Variants in SPINK5 observed in about 807,000 individuals in gnomAD.
SPINK5 encodes serine peptidase inhibitor Kazal type 5, also known as serine protease inhibitor Kazal-type 5.
A neutral mutation model predicts 151.8 loss-of-function variants in SPINK5; 125 were observed. The ratio of observed to expected loss-of-function variants is 0.82; its 90% CI spans 0.71 to 0.96. SPINK5 has a LOEUF of 0.96. SPINK5 is among the 40% of genes least tolerant of loss of function. The pLI, the probability that SPINK5 is intolerant of heterozygous loss-of-function variation, is 0.00. For missense variants in SPINK5, 1,194 were observed against 1,291.9 expected (o/e 0.92, Z 1.16); for synonymous variants, 374 against 395.3 (o/e 0.95, Z 0.64).
chr5:148,095,064 G>T (rs6864920), intron 9 of SPINK5, among the ~76,000 whole-genome samples: 1 of 151,724 alleles, frequency 6.6e-6, no homozygotes, highest in Non-Finnish European at 1.5e-5. Context: ...AGTTCCTCCC[G>T]GTCTTGGCCA....
At chr5:148,115,606 G>A (rs2113174133) in intron 21 of SPINK5, among the ~76,000 whole-genome samples, 1 of 152,222 alleles carries the variant, frequency 6.6e-6, no homozygotes, top group South Asian at 2.1e-4. Context: ...ATGTCATGTG[G>A]TGACAGCTAT....
At chr5:148,099,905 C>T (rs559925978) in intron 12 of SPINK5, among the ~76,000 whole-genome samples, 1 of 152,242 alleles carries the variant, frequency 6.6e-6, no homozygotes, top group East Asian at 1.9e-4. Flanking sequence ...AGCTCATCAT[C>T]ATATACAGGA....
intron 15 of SPINK5, among the ~76,000 whole-genome samples, chr5:148,104,217 T>TA (rs1753721590): frequency 6.6e-6 from 1 of 152,126 alleles, no homozygotes; most frequent in Non-Finnish European, 1.5e-5. Context: ...AACACACACT[T>TA]AAAGATGAGG....
At chr5:148,104,304 G>T (rs1753723658) in intron 15 of SPINK5, among the ~76,000 whole-genome samples, 1 of 152,090 alleles carries the variant, frequency 6.6e-6, no homozygotes, top group African/African-American at 2.4e-5. Flanking sequence ...TAACCACCAT[G>T]CTATACTGCC....
At chr5:148,117,835 G>A (rs955896879) in intron 22 of SPINK5, among the ~76,000 whole-genome samples, 1 of 152,164 alleles carries the variant, frequency 6.6e-6, no homozygotes, top group Non-Finnish European at 1.5e-5. Context: ...AGTGTACCAA[G>A]GGGAAACTGT....
intron 2 of SPINK5, among the ~76,000 whole-genome samples, chr5:148,069,572 T>G (rs1425695219): frequency 6.6e-6 from 1 of 152,058 alleles, no homozygotes; most frequent in South Asian, 2.1e-4. Context: ...CTGATGGTAG[T>G]GATAGTAGTG....
At chr5:148,113,476 A>T (rs1489057756) in intron 20 of SPINK5, among the ~76,000 whole-genome samples, 1 of 152,086 alleles carries the variant, frequency 6.6e-6, no homozygotes, top group Non-Finnish European at 1.5e-5. Flanking sequence ...GGATTACCAC[A>T]TTTGGTCAAC....
intron 29 of SPINK5, among the ~76,000 whole-genome samples, chr5:148,126,582 T>C (rs1170911970): frequency 6.3e-5 from 2 of 31,586 alleles, no homozygotes; most frequent in African/African-American, 1.3e-4. Context: ...TTTATTTATT[T>C]ATTTATTTAT....
At chr5:148,088,890 G>A in intron 6 of SPINK5, 1 of 467,536 alleles carries the variant, frequency 2.1e-6, no homozygotes, top group East Asian at 4.5e-5. Flanking sequence ...TAGTAGAAAG[G>A]GCACAACACT....
chr5:148,084,960 T>C (rs1753114265), intron 4 of SPINK5, among the ~76,000 whole-genome samples: 2 of 151,990 alleles, frequency 1.3e-5, no homozygotes, highest in South Asian at 2.1e-4. Flanking sequence ...CCTTAGAATA[T>C]GTATTCCATT....
intron 6 of SPINK5, chr5:148,088,983 G>T: frequency 2.1e-6 from 1 of 468,734 alleles, no homozygotes; most frequent in Non-Finnish European, 4.2e-6. Flanking sequence ...CCTAAAATGA[G>T]ATTTGAACTA....
intron 8 of SPINK5, among the ~76,000 whole-genome samples, chr5:148,091,967 CT>C (rs1469792282): frequency 6.6e-6 from 1 of 151,756 alleles, no homozygotes; most frequent in African/African-American, 2.4e-5. Flanking sequence ...AATGGCTAAC[CT>C]TTTGTTGAGA....
chr5:148,107,837 A>T (rs1753821670), intron 17 of SPINK5, among the ~76,000 whole-genome samples: 1 of 152,132 alleles, frequency 6.6e-6, no homozygotes, highest in South Asian at 2.1e-4. Flanking sequence ...ATAGAGGTTA[A>T]TTATTATCAC....
intron 6 of SPINK5, chr5:148,089,073 G>C (rs1030529233): frequency 1.1e-5 from 5 of 461,100 alleles, no homozygotes; most frequent in Non-Finnish European, 2.2e-5. Flanking sequence ...TCTCATACAT[G>C]TCACACTTGT....
chr5:148,125,860 A>G lies in SPINK5; in HGVS notation c.2867+10A>G. ...TGTGCAGAGCTGTCTTGTGAGTAAG[A>G]GGATTCTGCTCCCCCTGTAGCTAGC... On this transcript the variant is annotated intron_variant, in intron 29 of 32. Transcript: ENST00000256084. 1 of 1,614,206 alleles carries G rather than the reference A, an allele frequency of 6.2e-7. No homozygotes were observed. The highest frequency in any genetic ancestry group is 8.5e-7 in the Non-Finnish European group (1 of 1,180,022).
At chr5:148,076,506 G>A (rs912752484) in intron 4 of SPINK5, among the ~76,000 whole-genome samples, 4 of 151,634 alleles carry the variant, frequency 2.6e-5, no homozygotes, top group African/African-American at 9.7e-5. Context: ...TATAATCCAC[G>A]TTAGTGAGGT....
intron 2 of SPINK5, among the ~76,000 whole-genome samples, chr5:148,068,131 A>G (rs1752632368): frequency 6.6e-6 from 1 of 152,172 alleles, no homozygotes; most frequent in Non-Finnish European, 1.5e-5. Context: ...TTGATACTGT[A>G]GAATCAGAGA....
Position 148,114,267 on chromosome 5 carries a change from TC to T in SPINK5, c.1888-94del, listed in dbSNP as rs1453271243. The stretch of plus-strand genomic sequence containing the variant: ...AAAAAAATTCTCAGGTCATTTTCTC[TC>T]TCTTTTTTTTTTTTCTATAAAGCAC... On this transcript the variant is annotated intron_variant, in intron 20 of 32. Coordinates refer to ENST00000256084, the MANE Select transcript of SPINK5 (RefSeq NM_006846.4). 118 of 1,336,370 alleles carry T rather than the reference TC, an allele frequency of 8.8e-5. 1 individual carries two copies. Among genetic ancestry groups the T allele is most frequent in the Middle Eastern group, 2.7e-4 (1 of 3,696 alleles). 82.8% of individuals were successfully genotyped at this position (1,336,370 alleles called of 1,614,324 possible).
intron 18 of SPINK5, among the ~76,000 whole-genome samples, chr5:148,110,142 A>T (rs1426410243): frequency 6.6e-6 from 1 of 152,222 alleles, no homozygotes; most frequent in Non-Finnish European, 1.5e-5. Flanking sequence ...TTTCTCACTT[A>T]TAAGATAAGG....
Sources: gnomAD v4.1 joint callset for allele counts (sites outside exome capture counted in the v4.1 genomes callset) on GRCh38, gnomAD v4.1.1 for gene constraint, MANE v1.5 for transcripts, NCBI Gene and HGNC (gene_info 2026-07-23, HGNC 2026-07-21) for gene names.